Variants in LETM2 observed in about 807,000 individuals in gnomAD.
LETM2 encodes the protein LETM1 domain-containing protein LETM2, mitochondrial.
In LETM2, 58 loss-of-function variants were observed where a neutral mutation model predicts 59.6. The ratio of observed to expected loss-of-function variants is 0.97; its 90% CI spans 0.79 to 1.21. The LOEUF is 1.21. Among genes scored for constraint, LETM2 ranks in the 50% most tolerant of loss-of-function variants. The pLI is 0.00. For missense variants in LETM2, 572 were observed against 575.7 expected (o/e 0.99, Z 0.07); for synonymous variants, 199 against 214.1 (o/e 0.93, Z 0.62).
chr8:38,402,459 T>A (rs1813309573), intron 6 of LETM2, 66 bp from the exon 7 acceptor site: 1 of 1,572,726 alleles, frequency 6.4e-7, no homozygotes, highest in Non-Finnish European at 8.7e-7. Flanking sequence ...ACTGATTTGC[T>A]GGAATTTAGG....
At chr8:38,384,799 A>G (rs1458911335), upstream of LETM2, among the ~76,000 whole-genome samples, 1 of 152,228 alleles carries the variant, frequency 6.6e-6, no homozygotes, top group Non-Finnish European at 1.5e-5. Flanking sequence ...GGAATCGTTC[A>G]TCTGGTTTAT....
intron 8 of LETM2, among the ~76,000 whole-genome samples, chr8:38,405,396 T>C (rs1218148037): frequency 1.3e-5 from 2 of 152,130 alleles, no homozygotes; most frequent in Non-Finnish European, 2.9e-5. Context: ...CCGGCATGAG[T>C]AAGAAAGGAA....
At chr8:38,398,720 C>CTTTTTTTTT (rs869232263) in intron 4 of LETM2, among the ~76,000 whole-genome samples, 1 of 115,812 alleles carries the variant, frequency 8.6e-6, no homozygotes, top group African/African-American at 3.2e-5. Context: ...TAAGTGGGTT[C>CTTTTTTTTT]TTTTTTTTTT....
upstream of LETM2, among the ~76,000 whole-genome samples, chr8:38,384,145 G>A (rs1348899546): frequency 6.6e-6 from 1 of 150,636 alleles, no homozygotes; most frequent in Non-Finnish European, 1.5e-5. Context: ...TTTTCTATGA[G>A]CCTTTCTACC....
rs1431210478 is a variant in LETM2, at chr8:38,400,888, A to C, written c.819A>C (p.Ile273=). ...GCCACAAGCCCAGCACAAAGGAGATAGTTCGCTTCTCCAAACTATTTGAGG... is the reference window on the plus strand; with the variant it reads ...GCCACAAGCCCAGCACAAAGGAGATCGTTCGCTTCTCCAAACTATTTGAGG... ...QTGHKPSTKE[I]VRFSKLFEDQ... The change falls in exon 6 of 11, where the codon ATA becomes ATC. Residue 273 remains isoleucine (I), a synonymous_variant. Transcript: ENST00000379957. 2 of 1,614,108 alleles carry C rather than the reference A, an allele frequency of 1.2e-6. No homozygotes were observed. Among genetic ancestry groups the C allele is most frequent in the East Asian group, 4.5e-5 (2 of 44,906 alleles).
rs1813096325 is a variant in LETM2, at chr8:38,400,421, T to G, written c.783+12T>G. On this transcript the variant is annotated intron_variant, in intron 5 of 10. Coordinates refer to ENST00000379957, the MANE Select transcript of LETM2 (RefSeq NM_001286819.2). ...CCTACGTGAAGCAGGTGTCCATCTTTTATGTAATGCCGAACAACTTCGGGG... is the reference window on the plus strand; with the variant it reads ...CCTACGTGAAGCAGGTGTCCATCTTGTATGTAATGCCGAACAACTTCGGGG... 1.9e-6 allele frequency: 3 copies of G among 1,557,934 alleles called. No individual in the cohort carries two copies. The highest frequency in any genetic ancestry group is 2.6e-6 in the Non-Finnish European group (3 of 1,155,220).
At chr8:38,385,402 T>G (rs549411463), upstream of LETM2, among the ~76,000 whole-genome samples, 1 of 151,332 alleles carries the variant, frequency 6.6e-6, no homozygotes, top group Non-Finnish European at 1.5e-5. Flanking sequence ...AAAAAAAAAA[T>G]TTTTTTTTGA....
Position 38,409,493 on chromosome 8 carries a change from G to A in LETM2, c.*1219G>A, listed in dbSNP as rs932580645. The A allele has an allele frequency of 2.6e-5, 4 of 152,204 alleles. No individual in the cohort carries two copies. The highest frequency in any genetic ancestry group is 9.7e-5 in the African/African-American group (4 of 41,434). 9.4% of individuals were successfully genotyped at this position (152,204 alleles called of 1,614,324 possible). ...ACAGCAATCATGGATCCTGCCTATC[G>A]AGGTGATTCACAATACACTTTCCCA... On this transcript the variant is annotated 3_prime_UTR_variant, in exon 11 of 11. Coordinates refer to ENST00000379957, the MANE Select transcript of LETM2 (RefSeq NM_001286819.2).
intron 2 of LETM2, among the ~76,000 whole-genome samples, 182 bp from the exon 3 acceptor site, chr8:38,392,360 G>A (rs1370069507): frequency 5.3e-5 from 8 of 152,112 alleles, no homozygotes; most frequent in African/African-American, 1.9e-4. Flanking sequence ...AGATGGCGTA[G>A]GTTGTAGTGA....
chr8:38,403,192 T>C (rs747922033), intron 7 of LETM2, among the ~76,000 whole-genome samples: 1 of 152,206 alleles, frequency 6.6e-6, no homozygotes, highest in African/African-American at 2.4e-5. Context: ...TAAGGTCTCA[T>C]GTGATTGGTG....
chr8:38,392,248 A>T (rs1344094341), intron 2 of LETM2, among the ~76,000 whole-genome samples: 1 of 152,062 alleles, frequency 6.6e-6, no homozygotes, highest in Non-Finnish European at 1.5e-5. Flanking sequence ...AATGTGGTGA[A>T]AACCCGACTC....
chr8:38,385,397 A>C (rs1297563060), upstream of LETM2, among the ~76,000 whole-genome samples: 3 of 152,092 alleles, frequency 2.0e-5, no homozygotes, highest in East Asian at 5.8e-4. Flanking sequence ...CTAAGAAAAA[A>C]AAAATTTTTT....
At position 38,392,610 on chromosome 8, in the gene LETM2, C is replaced by T. The variant is rs755813998; in HGVS notation, c.116C>T (p.Pro39Leu). 6.2e-7 allele frequency: 1 copy of T among 1,613,724 alleles called. No individual in the cohort carries two copies. The highest frequency in any genetic ancestry group is 8.5e-7 in the Non-Finnish European group (1 of 1,179,876). The change falls in exon 3 of 11, where the codon CCA becomes CTA. Residue 39 changes from proline to leucine, a missense_variant. Transcript: ENST00000379957. Reference protein sequence around the residue: ...YSPSCAFLHLPDSHLNKTCMK... With the variant: ...YSPSCAFLHLLDSHLNKTCMK... ...CCATCATGTGCATTTCTTCACTTGC[C>T]AGATTCCCATTTAAATAAGACATGT...
chr8:38,388,293 T>C (rs1348350302), intron 2 of LETM2, among the ~76,000 whole-genome samples: 1 of 151,680 alleles, frequency 6.6e-6, no homozygotes, highest in East Asian at 2.0e-4. Flanking sequence ...TTGGCCAGGC[T>C]GCTCTGGAAC....
intron 5 of LETM2, 126 bp from the exon 6 acceptor site, chr8:38,400,727 G>A (rs1304219936): frequency 3.4e-6 from 3 of 871,458 alleles, no homozygotes; most frequent in Admixed American, 4.8e-5. Context: ...TTTATACCAC[G>A]AAGCCGATTT....
intron 2 of LETM2, among the ~76,000 whole-genome samples, chr8:38,391,199 C>CA (rs1292763551): frequency 0.2 from 19,752 of 98,230 alleles, 1,501 homozygotes; most frequent in East Asian, 0.29. Context: ...AAAAAAAAAA[C>CA]AAAAAAAAAA....
chr8:38,400,966 A>G lies in LETM2; in HGVS notation c.897A>G (p.Lys299=). Residue 299 remains lysine, a synonymous_variant, in exon 6 of 11, where the codon AAA becomes AAG. Coordinates refer to ENST00000379957, the MANE Select transcript of LETM2 (RefSeq NM_001286819.2). Reference sequence around the variant, plus strand: ...GCCCTCAGCTGGTTGCCCTTTGCAAACTGCTGGAATTGCAGACATTTGGAA... The same window carrying G: ...GCCCTCAGCTGGTTGCCCTTTGCAAGCTGCTGGAATTGCAGACATTTGGAA... ...LDRPQLVALC[K]LLELQTFGTN... 6.2e-7 allele frequency: 1 copy of G among 1,613,978 alleles called. No individual in the cohort carries two copies. Among genetic ancestry groups the G allele is most frequent in the Middle Eastern group, 1.7e-4 (1 of 6,060 alleles).
chr8:38,392,791 T>A lies in LETM2; in HGVS notation c.297T>A (p.His99Gln). The A allele has an allele frequency of 1.9e-6, 3 of 1,614,016 alleles. No homozygotes were observed. Among genetic ancestry groups the A allele is most frequent in the Non-Finnish European group, 2.5e-6 (3 of 1,180,002 alleles). Residue 99 changes from histidine (H) to glutamine (Q), a missense_variant, in exon 3 of 11, where the codon CAT (histidine) becomes CAA (glutamine). His to Gln is a conservative substitution (Grantham distance 24). Transcript: ENST00000379957. ...CTCAGCTGGAGCAAGCCACAAAACA[T>A]CCACAGGTGACAAGCCCTCAGGCCA... ...GKPQLEQATK[H>Q]PQVTSPQATK... is the part of the protein sequence containing the mutation.
At chr8:38,390,670 GT>G (rs1170662520) in intron 2 of LETM2, among the ~76,000 whole-genome samples, 1 of 133,572 alleles carries the variant, frequency 7.5e-6, no homozygotes, top group Admixed American at 7.7e-5. Context: ...TTTTATTTTT[GT>G]TTTTTTGTTT....
Sources: allele counts gnomAD v4.1 joint callset (sites outside exome capture counted in the v4.1 genomes callset), GRCh38; gene constraint gnomAD v4.1.1; transcripts MANE v1.5; gene names NCBI Gene and HGNC (gene_info 2026-07-23, HGNC 2026-07-21).